The following CCDC85A variants were observed in gnomAD, a reference collection of about 807,000 sequenced individuals.
The protein encoded by CCDC85A is coiled-coil domain-containing protein 85A.
Under a neutral mutation model 50.2 loss-of-function variants are expected in CCDC85A, and 38 were observed. The observed-to-expected ratio is 0.76, with a 90% CI of 0.58 to 0.99. The LOEUF (loss-of-function observed/expected upper bound fraction) is 0.99, where lower values mean the gene tolerates loss of function less well. CCDC85A is among the 50% of genes least tolerant of loss of function. The probability of loss-of-function intolerance (pLI) is 0.00; values close to 1 mark genes in which losing one functional copy is unlikely to be tolerated. For missense variants in CCDC85A, 820 were observed against 742.0 expected, an observed-to-expected ratio of 1.11 and a Z score of -1.22; for synonymous variants, 366 against 301.4, an observed-to-expected ratio of 1.21 and a Z score of -2.22.
intron 2 of CCDC85A, among the ~76,000 whole-genome samples, chr2:56,227,944 C>T (rs544875987): frequency 6.6e-6 from 1 of 152,318 alleles, no homozygotes; most frequent in South Asian, 2.1e-4. Context: ...GTACTTATCA[C>T]TCTGTTGTGA....
At chr2:56,188,785 G>C (rs534823436) in intron 1 of CCDC85A, among the ~76,000 whole-genome samples, 2 of 152,348 alleles carry the variant, frequency 1.3e-5, no homozygotes, top group Admixed American at 1.3e-4. Context: ...TATAGCTGTA[G>C]CCTGTTTTGG....
intron 2 of CCDC85A, among the ~76,000 whole-genome samples, chr2:56,275,968 C>T (rs917969877): frequency 1.3e-5 from 2 of 152,140 alleles, no homozygotes; most frequent in Non-Finnish European, 2.9e-5. Context: ...CATGAAGATC[C>T]TATGGGCTAG....
Position 56,359,386 on chromosome 2 carries a change from C to T in CCDC85A, c.1318-12958C>T, listed in dbSNP as rs138088358. ...GAAGGGACAATTGTTGTGATATCGT[C>T]GAATAGGAAATTTGTACTTTTTTGA... On this transcript the variant is annotated intron_variant, in intron 3 of 5. Coordinates refer to ENST00000407595, the MANE Select transcript of CCDC85A (RefSeq NM_001080433.2). 4.0e-3 allele frequency among the ~76,000 whole-genome samples: 612 copies of T among 152,224 alleles called. 6 individuals carry two copies. The highest frequency in any genetic ancestry group is 0.014 in the African/African-American group (575 of 41,532).
Position 56,342,843 on chromosome 2 carries a change from G to T in CCDC85A, c.1241-36G>T, listed in dbSNP as rs1037890879. ...CCTGACAGTACACCAAACAAGACCT[G>T]TGTGTATAATGTGAGTTCTTTCTTT... On this transcript the variant is annotated intron_variant, in intron 2 of 5. Coordinates refer to ENST00000407595, the MANE Select transcript of CCDC85A (RefSeq NM_001080433.2). The T allele has an allele frequency of 4.4e-6, 6 of 1,377,890 alleles. No homozygotes were observed. The African/African-American group carries it at 7.2e-5, about 16-fold the overall frequency. The allele number at this position is 1,377,890 out of a possible 1,614,324, so 85.4% of individuals were successfully genotyped here.
intron 2 of CCDC85A, among the ~76,000 whole-genome samples, chr2:56,197,077 A>C (rs1378539412): frequency 6.6e-6 from 1 of 152,164 alleles, no homozygotes; most frequent in Non-Finnish European, 1.5e-5. Context: ...GGTCTTGCTG[A>C]ATGGAGTGTC....
intron 2 of CCDC85A, among the ~76,000 whole-genome samples, chr2:56,324,111 C>G (rs1336827871): frequency 6.6e-6 from 1 of 152,102 alleles, no homozygotes; most frequent in Non-Finnish European, 1.5e-5. Context: ...AAATTAAAAA[C>G]AATTCATCTT....
chr2:56,227,590 G>A (rs939403099), intron 2 of CCDC85A, among the ~76,000 whole-genome samples: 3 of 152,136 alleles, frequency 2.0e-5, no homozygotes, highest in Non-Finnish European at 2.9e-5. Flanking sequence ...GTCTACCTGT[G>A]TGTGTGGAGC....
At chr2:56,225,364 T>C (rs1668500406) in intron 2 of CCDC85A, among the ~76,000 whole-genome samples, 2 of 152,218 alleles carry the variant, frequency 1.3e-5, no homozygotes, top group African/African-American at 4.8e-5. Flanking sequence ...AGGTGGAGCT[T>C]GCAGTGAGCC....
At position 56,227,233 on chromosome 2, in the gene CCDC85A, T is replaced by A. The variant is rs141143478; in HGVS notation, c.1240+33793T>A. ...TCTTCCATTTATTTGTTTTTAAAAGTCTCATTCTGTAATCAAGATATCCTG... is the reference window on the plus strand; with the variant it reads ...TCTTCCATTTATTTGTTTTTAAAAGACTCATTCTGTAATCAAGATATCCTG... On this transcript the variant is annotated intron_variant, in intron 2 of 5. Transcript: ENST00000407595. Among the ~76,000 whole-genome samples the A allele has an allele frequency of 1.8e-3, 269 of 152,324 alleles. 2 individuals are homozygous for A. Among genetic ancestry groups the A allele is most frequent in the African/African-American group, 6.1e-3 (252 of 41,582 alleles).
intron 3 of CCDC85A, among the ~76,000 whole-genome samples, chr2:56,356,084 A>T (rs895210080): frequency 7.9e-5 from 12 of 152,222 alleles, no homozygotes; most frequent in African/African-American, 2.4e-4. Context: ...AATATCTATA[A>T]CTACAGAAAT....
chr2:56,312,354 T>C (rs1672735521), intron 2 of CCDC85A, among the ~76,000 whole-genome samples: 1 of 152,048 alleles, frequency 6.6e-6, no homozygotes, highest in South Asian at 2.1e-4. Context: ...ATGCAAGAAA[T>C]CATTAATAAT....
chr2:56,339,562 A>G (rs985559079), intron 2 of CCDC85A, among the ~76,000 whole-genome samples: 1 of 152,352 alleles, frequency 6.6e-6, no homozygotes, highest in African/African-American at 2.4e-5. Context: ...TTCAAATTTC[A>G]CCTGACTCAA....
intron 2 of CCDC85A, among the ~76,000 whole-genome samples, chr2:56,276,382 A>G (rs1573154884): frequency 6.6e-6 from 1 of 151,860 alleles, no homozygotes; most frequent in Non-Finnish European, 1.5e-5. Context: ...ATTCGGTTTG[A>G]CTGTATCCCC....
intron 2 of CCDC85A, among the ~76,000 whole-genome samples, chr2:56,297,698 C>A (rs1215650418): frequency 6.6e-6 from 1 of 152,146 alleles, no homozygotes; most frequent in Admixed American, 6.6e-5. Context: ...GGGCAGTGGA[C>A]AAAGTATTTG....
chr2:56,301,055 A>G (rs1029495525), intron 2 of CCDC85A, among the ~76,000 whole-genome samples: 13 of 152,218 alleles, frequency 8.5e-5, no homozygotes, highest in Non-Finnish European at 1.3e-4. Context: ...AATCTTTCCA[A>G]GCTGCAAATA....
At chr2:56,224,698 G>A (rs1668471070) in intron 2 of CCDC85A, among the ~76,000 whole-genome samples, 2 of 152,066 alleles carry the variant, frequency 1.3e-5, no homozygotes, top group Non-Finnish European at 2.9e-5. Context: ...ATATTTCCTT[G>A]ATTAATGATG....
intron 2 of CCDC85A, among the ~76,000 whole-genome samples, chr2:56,208,889 G>C (rs1367363259): frequency 6.6e-6 from 1 of 151,850 alleles, no homozygotes; most frequent in Non-Finnish European, 1.5e-5. Context: ...AATTTCCTTG[G>C]TACCCCACAG....
intron 3 of CCDC85A, among the ~76,000 whole-genome samples, chr2:56,371,524 A>G (rs1430703101): frequency 6.6e-6 from 1 of 152,032 alleles, no homozygotes; most frequent in Non-Finnish European, 1.5e-5. Context: ...AATTATTAAA[A>G]TTATTTTCTT....
intron 2 of CCDC85A, among the ~76,000 whole-genome samples, chr2:56,288,715 T>C (rs970269658): frequency 1.3e-5 from 2 of 150,512 alleles, no homozygotes; most frequent in Non-Finnish European, 3.0e-5. Flanking sequence ...AAAATCATCA[T>C]TAAAGTTAAA....
Sources: allele counts gnomAD v4.1 joint callset (sites outside exome capture counted in the v4.1 genomes callset), GRCh38; gene constraint gnomAD v4.1.1; transcripts MANE v1.5; gene names NCBI Gene and HGNC (gene_info 2026-07-23, HGNC 2026-07-21).